Variants in QKI observed in about 807,000 individuals in gnomAD.
QKI encodes QKI, KH domain containing RNA binding.
Under a neutral mutation model 39.0 loss-of-function variants are expected in QKI, and 10 were observed. The observed-to-expected ratio is 0.26, with a 90% CI of 0.16 to 0.43. The LOEUF is 0.43. Ranked by LOEUF, QKI falls within the 20% of genes least tolerant of loss-of-function variation. The pLI, the probability that QKI is intolerant of heterozygous loss-of-function variation, is 1.00. For synonymous variants in QKI, 204 were observed against 155.4 expected (o/e 1.31, Z -2.33); for missense variants, 218 against 428.0 (o/e 0.51, Z 4.33).
intron 7 of QKI, chr6:163,569,912 T>C (rs1783605475): frequency 1.0e-6 from 1 of 987,148 alleles, no homozygotes; most frequent in Non-Finnish European, 1.2e-6. Flanking sequence ...GGCAGGATTT[T>C]ACAGTGTTTA....
At chr6:163,554,082 T>A (rs1782434160) in intron 4 of QKI, among the ~76,000 whole-genome samples, 1 of 152,180 alleles carries the variant, frequency 6.6e-6, no homozygotes, top group Non-Finnish European at 1.5e-5. Context: ...ACCAAGACCC[T>A]GGCTTGGTGT....
At chr6:163,441,457 T>C (rs1789755363) in intron 1 of QKI, among the ~76,000 whole-genome samples, 1 of 152,154 alleles carries the variant, frequency 6.6e-6, no homozygotes, top group Non-Finnish European at 1.5e-5. Flanking sequence ...AAAAGGTGTT[T>C]TTTCTCCAAG....
rs149032688 is a variant in QKI at position 163,426,928 on chromosome 6, T to A, written c.142+11593T>A. On this transcript the variant is annotated intron_variant, in intron 1 of 7. Transcript: ENST00000361752. ...TTAAGTCAACTATAATTAATTTTGA[T>A]GTTAAAATTATTACAACTTTAGCCA... Among the ~76,000 whole-genome samples, 12 of 152,336 alleles carry A rather than the reference T, an allele frequency of 7.9e-5. No individual in the cohort carries two copies. The East Asian group carries it at 2.3e-3, about 29-fold the overall frequency.
intron 1 of QKI, among the ~76,000 whole-genome samples, chr6:163,432,398 CTT>C (rs536271851): frequency 2.1e-5 from 3 of 143,984 alleles, no homozygotes. Flanking sequence ...AATCCCCCCC[CTT>C]TTTTTTTTTT....
Position 163,575,163 on chromosome 6 carries a change from CTG to C in QKI, c.*4456_*4457del, listed in dbSNP as rs765714466. The C allele has an allele frequency of 3.9e-5, 6 of 152,138 alleles. No individual in the cohort carries two copies. Among genetic ancestry groups the C allele is most frequent in the East Asian group, 3.9e-4 (2 of 5,188 alleles). The allele number at this position is 152,138 out of a possible 1,614,324, so 9.4% of individuals were successfully genotyped here. On this transcript the variant is annotated 3_prime_UTR_variant, in exon 8 of 8. Transcript: ENST00000361752. ...TTGCCATAACAGTTCATGTAGTAGT[CTG>C]TGAAAATTCGAAGCTGTCTGTCAAG...
chr6:163,531,793 ACTGTGCCCG>A (rs1400964108), intron 3 of QKI, among the ~76,000 whole-genome samples: 1 of 152,196 alleles, frequency 6.6e-6, no homozygotes, highest in African/African-American at 2.4e-5. Flanking sequence ...GGCATGAGCC[ACTGTGCCCG>A]GCTGAGTTTG....
chr6:163,441,283 A>G (rs1218653989), intron 1 of QKI, among the ~76,000 whole-genome samples: 1 of 152,222 alleles, frequency 6.6e-6, no homozygotes, highest in African/African-American at 2.4e-5. Context: ...TAAAGAGACC[A>G]AGCCATTTGC....
chr6:163,451,541 A>C (rs1198919743), intron 1 of QKI, among the ~76,000 whole-genome samples: 1 of 152,244 alleles, frequency 6.6e-6, no homozygotes, highest in Non-Finnish European at 1.5e-5. Context: ...ATTTTGGTTT[A>C]TTAAAACAAA....
At chr6:163,557,519 G>A (rs1369818362) in intron 4 of QKI, among the ~76,000 whole-genome samples, 1 of 152,132 alleles carries the variant, frequency 6.6e-6, no homozygotes, top group Admixed American at 6.6e-5. Context: ...GTGGAGCGAT[G>A]GTTCCAGAGG....
intron 3 of QKI, among the ~76,000 whole-genome samples, chr6:163,517,109 C>T (rs1478787482): frequency 5.3e-5 from 8 of 150,854 alleles, no homozygotes; most frequent in African/African-American, 2.0e-4. Flanking sequence ...CTCTAGCTCT[C>T]TCTAGCTCTC....
chr6:163,566,870 T>A, intron 7 of QKI, 75 bp downstream of exon 7: 1 of 1,561,574 alleles, frequency 6.4e-7, no homozygotes, highest in South Asian at 1.2e-5. Context: ...CCACACCTGA[T>A]GGAAAAATGT....
chr6:163,563,789 A>G (rs1562549027), intron 6 of QKI, 70 bp downstream of exon 6: 3 of 1,538,880 alleles, frequency 1.9e-6, no homozygotes, highest in Middle Eastern at 2.0e-4. Flanking sequence ...AGATTTTGAA[A>G]TGATTTTATC....
intron 2 of QKI, among the ~76,000 whole-genome samples, chr6:163,466,670 A>T (rs1211985052): frequency 6.6e-6 from 1 of 152,210 alleles, no homozygotes; most frequent in Non-Finnish European, 1.5e-5. Context: ...CTGGATATTG[A>T]CATTCCAAAG....
chr6:163,569,120 A>AAGTAGT, intron 7 of QKI: 1 of 935,050 alleles, frequency 1.1e-6, no homozygotes, highest in Non-Finnish European at 1.3e-6. Flanking sequence ...AATACCTGTG[A>AAGTAGT]AGTAGTATGA....
rs189461229 is a variant in QKI, at chr6:163,520,614, G to A, written c.403-14368G>A. Among the ~76,000 whole-genome samples the A allele has an allele frequency of 2.0e-3, 303 of 152,246 alleles. 6 individuals carry two copies. Among genetic ancestry groups the A allele is most frequent in the Non-Finnish European group, 6.9e-4 (47 of 68,000 alleles). ...ATTAGCTACAAGGCTTTGCAGTGGT[G>A]CTGTTAGCTAGGTTCATATGACCTA... On this transcript the variant is annotated intron_variant, in intron 3 of 7. Transcript: ENST00000361752.
chr6:163,495,809 G>A (rs1324115864), intron 3 of QKI, among the ~76,000 whole-genome samples: 5 of 152,142 alleles, frequency 3.3e-5, no homozygotes, highest in South Asian at 2.1e-4. Context: ...GTTTTAAAAA[G>A]TGATGTTGTG....
rs1434826705 is a variant in QKI at position 163,571,996 on chromosome 6, A to G, written c.*1286A>G. 2.0e-5 allele frequency: 3 copies of G among 152,212 alleles called. No individual in the cohort carries two copies. The highest frequency in any genetic ancestry group is 4.4e-5 in the Non-Finnish European group (3 of 68,038). The allele number at this position is 152,212 out of a possible 1,614,324, so 9.4% of individuals were successfully genotyped here. ...AGATATGAGGGAGACAAATGAGTTG[A>G]TAGTTTGAATTATAGGATTTTTGCC... On this transcript the variant is annotated 3_prime_UTR_variant, in exon 8 of 8. Coordinates refer to ENST00000361752, the MANE Select transcript of QKI (RefSeq NM_006775.3).
chr6:163,531,948 G>T (rs1780879986), intron 3 of QKI, among the ~76,000 whole-genome samples: 1 of 152,164 alleles, frequency 6.6e-6, no homozygotes, highest in Non-Finnish European at 1.5e-5. Context: ...TGTTGATTTT[G>T]AAGCAAACAG....
Position 163,576,700 on chromosome 6 carries a change from A to C in QKI, c.*5990A>C, listed in dbSNP as rs1482042691. Reference sequence around the variant, plus strand: ...TGCATGTGCTTCATCCTCTCAAGCCAACTGCAGCTGGAAAGTGCTGCTTAT... The same window carrying C: ...TGCATGTGCTTCATCCTCTCAAGCCCACTGCAGCTGGAAAGTGCTGCTTAT... On this transcript the variant is annotated 3_prime_UTR_variant, in exon 8 of 8. Transcript: ENST00000361752. 1 of 152,150 alleles carries C rather than the reference A, an allele frequency of 6.6e-6. No homozygotes were observed. The highest frequency in any genetic ancestry group is 2.4e-5 in the African/African-American group (1 of 41,436). The allele number at this position is 152,150 out of a possible 1,614,324, so 9.4% of individuals were successfully genotyped here. A position where few individuals can be genotyped will look rare whatever the true frequency, so the allele number is the denominator to read the frequency against.
Sources: gnomAD v4.1 joint callset for allele counts (sites outside exome capture counted in the v4.1 genomes callset) on GRCh38, gnomAD v4.1.1 for gene constraint, MANE v1.5 for transcripts, NCBI Gene and HGNC (gene_info 2026-07-23, HGNC 2026-07-21) for gene names.